The following NUDT4 variants were observed in gnomAD, a reference collection of about 807,000 sequenced individuals.
The protein encoded by NUDT4 is diphosphoinositol polyphosphate phosphohydrolase 2.
NUDT4 carries 5 observed loss-of-function variants against 23.1 expected under a neutral mutation model. The ratio of observed to expected loss-of-function variants is 0.22; its 90% CI spans 0.11 to 0.46. NUDT4 has a LOEUF of 0.46. Ranked by LOEUF, NUDT4 falls within the 20% of genes least tolerant of loss-of-function variation. NUDT4 has a pLI of 0.99. For missense variants in NUDT4, 96 were observed against 211.6 expected, an observed-to-expected ratio of 0.45 and a Z score of 3.39; for synonymous variants, 50 against 79.0, an observed-to-expected ratio of 0.63 and a Z score of 1.95.
At chr12:93,386,678 A>G (rs943271502) in intron 1 of NUDT4, among the ~76,000 whole-genome samples, 1 of 152,208 alleles carries the variant, frequency 6.6e-6, no homozygotes, top group Non-Finnish European at 1.5e-5. Context: ...AACTAGTAAA[A>G]ACACGGACTG....
chr12:93,380,977 C>T (rs1875619059), intron 1 of NUDT4: 2 of 152,072 alleles, frequency 1.3e-5, no homozygotes, highest in South Asian at 4.1e-4. Flanking sequence ...TGCAATTTGA[C>T]CCCAAAAAAG....
chr12:93,396,377 C>T (rs1000591747), intron 3 of NUDT4, among the ~76,000 whole-genome samples: 6 of 152,178 alleles, frequency 3.9e-5, no homozygotes, highest in Non-Finnish European at 7.3e-5. Flanking sequence ...ATGTGATAGG[C>T]AGTCTCTGGA....
chr12:93,392,246 C>CG (rs199861354), intron 1 of NUDT4, among the ~76,000 whole-genome samples: 2 of 131,402 alleles, frequency 1.5e-5, no homozygotes, highest in African/African-American at 5.4e-5. Context: ...CTTTGTTTCC[C>CG]CCCCCCCCTT....
At chr12:93,398,970 TC>T in intron 4 of NUDT4, 115 bp downstream of exon 4, 1 of 850,594 alleles carries the variant, frequency 1.2e-6, no homozygotes, top group Non-Finnish European at 1.8e-6. Context: ...TATTCCTGTG[TC>T]CAGTTTCCAT....
rs952692908 is a variant in NUDT4, at chr12:93,378,010, C to T, written c.-313C>T. 2.4e-5 allele frequency: 6 copies of T among 246,348 alleles called. No homozygotes were observed. The highest frequency in any genetic ancestry group is 6.9e-5 in the African/African-American group (3 of 43,168). 15.3% of individuals were successfully genotyped at this position (246,348 alleles called of 1,614,324 possible). On this transcript the variant is annotated 5_prime_UTR_variant, in exon 1 of 5. Transcript: ENST00000415493. Reference sequence around the variant, plus strand: ...GCGCCTCTAGCCGCCCTTCCCCTGGCGGCTACGGCCGGAGGGAGCGGAGGC... The same window carrying T: ...GCGCCTCTAGCCGCCCTTCCCCTGGTGGCTACGGCCGGAGGGAGCGGAGGC...
At chr12:93,393,697 CA>C (rs1261546678) in intron 1 of NUDT4, among the ~76,000 whole-genome samples, 2 of 152,182 alleles carry the variant, frequency 1.3e-5, no homozygotes, top group Non-Finnish European at 2.9e-5. Flanking sequence ...TGTTCTAGAT[CA>C]TAAATGATAG....
At chr12:93,399,046 T>C (rs1409629917) in intron 4 of NUDT4, 131 bp from the exon 5 acceptor site, 10 of 730,758 alleles carry the variant, frequency 1.4e-5, no homozygotes, top group Admixed American at 7.8e-5. Context: ...AATGTAGAGA[T>C]GCATATTCAT....
chr12:93,390,889 G>C (rs1876448227), intron 1 of NUDT4, among the ~76,000 whole-genome samples: 1 of 152,104 alleles, frequency 6.6e-6, no homozygotes, highest in Admixed American at 6.5e-5. Flanking sequence ...CACCATGCCT[G>C]GCCTGGAATG....
chr12:93,383,980 C>T (rs1393548413), intron 1 of NUDT4, among the ~76,000 whole-genome samples: 3 of 152,152 alleles, frequency 2.0e-5, no homozygotes, highest in Non-Finnish European at 2.9e-5. Context: ...GTTGGAGTTC[C>T]TAGAGCCAAG....
At position 93,400,965 on chromosome 12, in the gene NUDT4, A is replaced by C. The variant is rs536904475; in HGVS notation, c.*1586A>C. 2.6e-5 allele frequency: 4 copies of C among 152,272 alleles called. No individual in the cohort carries two copies. The highest frequency in any genetic ancestry group is 4.4e-5 in the Non-Finnish European group (3 of 68,044). The allele number at this position is 152,272 out of a possible 1,614,324, so 9.4% of individuals were successfully genotyped here. ...TGTAAATATTGTAACTGGGGAGTAT[A>C]GAGTAGAAAAAAAGTATAGTTAAAA... On this transcript the variant is annotated 3_prime_UTR_variant, in exon 5 of 5. Transcript: ENST00000415493.
At chr12:93,380,962 GT>G (rs1249486591) in intron 1 of NUDT4, 2 of 152,204 alleles carry the variant, frequency 1.3e-5, no homozygotes, top group Non-Finnish European at 1.5e-5. Context: ...AAGTAAAAGA[GT>G]AATTGCAATT....
At chr12:93,388,401 A>T (rs1822496333) in intron 1 of NUDT4, among the ~76,000 whole-genome samples, 1 of 152,238 alleles carries the variant, frequency 6.6e-6, no homozygotes, top group South Asian at 2.1e-4. Flanking sequence ...TGAGGGAAAG[A>T]TGTATATTCA....
At chr12:93,385,063 C>G (rs1820847215) in intron 1 of NUDT4, 1 of 152,242 alleles carries the variant, frequency 6.6e-6, no homozygotes, top group South Asian at 2.1e-4. Flanking sequence ...GCCACCATGG[C>G]CGGCCAATAC....
intron 1 of NUDT4, among the ~76,000 whole-genome samples, chr12:93,389,420 C>T (rs901696472): frequency 2.0e-5 from 3 of 151,458 alleles, no homozygotes; most frequent in Non-Finnish European, 4.4e-5. Flanking sequence ...TGCAGTGAGC[C>T]GAGATTCTTA....
At chr12:93,389,350 T>C (rs1642073720) in intron 1 of NUDT4, among the ~76,000 whole-genome samples, 1 of 152,138 alleles carries the variant, frequency 6.6e-6, no homozygotes. Context: ...CGCATGTCTG[T>C]AATCCCAGCT....
At chr12:93,392,740 C>T (rs1217511632) in intron 1 of NUDT4, among the ~76,000 whole-genome samples, 1 of 108,014 alleles carries the variant, frequency 9.3e-6, no homozygotes, top group Non-Finnish European at 1.8e-5. Flanking sequence ...GGTGCAATCT[C>T]TGCTCACTGC....
Position 93,404,157 on chromosome 12 carries a change from T to C in NUDT4, c.*4778T>C, listed in dbSNP as rs1224660309. ...GTGAAGTACTTTCATTTGGCCATCATTATTTATCAACCTTAAGAAACATGC... is the reference window on the plus strand; with the variant it reads ...GTGAAGTACTTTCATTTGGCCATCACTATTTATCAACCTTAAGAAACATGC... On this transcript the variant is annotated 3_prime_UTR_variant, in exon 5 of 5. Coordinates refer to ENST00000415493, the MANE Select transcript of NUDT4 (RefSeq NM_019094.6). 1 of 151,312 alleles carries C rather than the reference T, an allele frequency of 6.6e-6. No individual in the cohort carries two copies. Among genetic ancestry groups the C allele is most frequent in the Non-Finnish European group, 1.5e-5 (1 of 68,030 alleles). The allele number at this position is 151,312 out of a possible 1,614,324, so 9.4% of individuals were successfully genotyped here.
In NUDT4 at chr12:93,407,936, A is replaced by G. The variant is rs1308340890; in HGVS notation, c.*8557A>G. 1 of 152,244 alleles carries G rather than the reference A, an allele frequency of 6.6e-6. No individual in the cohort carries two copies. The highest frequency in any genetic ancestry group is 1.5e-5 in the Non-Finnish European group (1 of 68,042). 9.4% of individuals were successfully genotyped at this position (152,244 alleles called of 1,614,324 possible). A position where few individuals can be genotyped will look rare whatever the true frequency, so the allele number is the denominator to read the frequency against. On this transcript the variant is annotated 3_prime_UTR_variant, in exon 5 of 5. Transcript: ENST00000415493. Reference sequence around the variant, plus strand: ...CTGCAAAGGAAAAAAATATGATACCATGAAATTAGAAATTCACTGCATTTG... The same window carrying G: ...CTGCAAAGGAAAAAAATATGATACCGTGAAATTAGAAATTCACTGCATTTG...
intron 3 of NUDT4, 50 bp from the exon 4 acceptor site, chr12:93,398,721 C>A: frequency 7.7e-7 from 1 of 1,294,372 alleles, no homozygotes; most frequent in Non-Finnish European, 1.1e-6. Flanking sequence ...AAAATGTGTC[C>A]ATGGCTAGCT....
Sources: gnomAD v4.1 joint callset for allele counts (sites outside exome capture counted in the v4.1 genomes callset) on GRCh38, gnomAD v4.1.1 for gene constraint, MANE v1.5 for transcripts, NCBI Gene and HGNC (gene_info 2026-07-23, HGNC 2026-07-21) for gene names.